NUP98: variants seen among roughly 807,000 people sequenced by gnomAD.
NUP98 encodes nuclear pore complex protein Nup98-Nup96.
In NUP98, 26 loss-of-function variants were observed where a neutral mutation model predicts 191.9. The ratio of observed to expected loss-of-function variants is 0.14; its 90% CI spans 0.10 to 0.19. The LOEUF is 0.19. NUP98 is among the 10% of genes least tolerant of loss of function. The pLI, the probability that NUP98 is intolerant of heterozygous loss-of-function variation, is 1.00. For synonymous variants in NUP98, 808 were observed against 778.4 expected (o/e 1.04, Z -0.63); for missense variants, 1,941 against 2,178.8 (o/e 0.89, Z 2.17).
At chr11:3,775,241 T>C (rs1017750876) in intron 5 of NUP98, among the ~76,000 whole-genome samples, 6 of 152,224 alleles carry the variant, frequency 3.9e-5, no homozygotes, top group Admixed American at 2.6e-4. Context: ...TAAAGATTAG[T>C]TGACCAGGCC....
At chr11:3,723,508 A>G in intron 15 of NUP98, 53 bp from the exon 16 acceptor site, 2 of 1,470,570 alleles carry the variant, frequency 1.4e-6, no homozygotes, top group Middle Eastern at 3.5e-4. Flanking sequence ...AATAACAATG[A>G]TAATAGCTAA....
At chr11:3,699,438 C>A in intron 24 of NUP98, 90 bp from the exon 25 acceptor site, 2 of 1,408,386 alleles carry the variant, frequency 1.4e-6, no homozygotes, top group Non-Finnish European at 2.0e-6. Flanking sequence ...GTTAAAAATA[C>A]ATAAATTAAT....
chr11:3,768,389 A>G (rs533414428), intron 8 of NUP98, among the ~76,000 whole-genome samples, 192 bp downstream of exon 8: 3 of 150,806 alleles, frequency 2.0e-5, no homozygotes, highest in African/African-American at 7.3e-5. Context: ...CCACTGCACT[A>G]CAGCCTGGGT....
At position 3,706,522 on chromosome 11, in the gene NUP98, T is replaced by C; in HGVS notation, c.2848A>G (p.Met950Val). The change falls in exon 21 of 33, where the codon ATG becomes GTG. Residue 950 changes from methionine to valine, a missense_variant. Around this residue, in one of 6 missense-constraint regions of NUP98, gnomAD observed 1,030 missense variants for 1,115.8 expected, o/e 0.92. Coordinates refer to ENST00000324932, the MANE Select transcript of NUP98 (RefSeq NM_016320.5). ...GACACAGGTTCCTGATCCTCAGGCA[T>C]GCTCTCTTCTAACATGGTATCCAAA... ...PVLDTMLEESMPEDQEPVSAS... is the reference protein window; with the variant it reads ...PVLDTMLEESVPEDQEPVSAS... The C allele has an allele frequency of 1.9e-6, 3 of 1,614,168 alleles. No homozygotes were observed. Among genetic ancestry groups the C allele is most frequent in the South Asian group, 2.2e-5 (2 of 91,080 alleles).
chr11:3,717,572 T>A (rs991562787), intron 18 of NUP98, among the ~76,000 whole-genome samples: 37 of 152,352 alleles, frequency 2.4e-4, no homozygotes, highest in Non-Finnish European at 4.9e-4. Context: ...ACTAGTAAGT[T>A]TTTTTGTGTG....
chr11:3,714,173 T>C (rs2079105102), intron 18 of NUP98, among the ~76,000 whole-genome samples, 178 bp from the exon 19 acceptor site: 1 of 152,228 alleles, frequency 6.6e-6, no homozygotes, highest in Non-Finnish European at 1.5e-5. Context: ...GAGTCACTCC[T>C]ACATTGACAA....
Position 3,779,148 on chromosome 11 carries a change from G to T in NUP98, c.178+8C>A. 6 of 1,613,112 alleles carry T rather than the reference G, an allele frequency of 3.7e-6. No homozygotes were observed. The highest frequency in any genetic ancestry group is 5.1e-6 in the Non-Finnish European group (6 of 1,179,124). ...ACAAACCAGTTATATCACAAATAAA[G>T]CCCCTACCTGGTTTAGTCTGTGAAT... On this transcript the variant is annotated splice_region_variant and intron_variant, in intron 3 of 32. Transcript: ENST00000324932.
intron 12 of NUP98, among the ~76,000 whole-genome samples, chr11:3,740,947 T>C (rs1023929646): frequency 3.3e-5 from 5 of 151,388 alleles, no homozygotes; most frequent in African/African-American, 1.2e-4. Flanking sequence ...GCCTCCAGAG[T>C]AGCTGGGATT....
intron 26 of NUP98, among the ~76,000 whole-genome samples, chr11:3,694,774 T>G (rs1178429858): frequency 6.6e-6 from 1 of 151,198 alleles, no homozygotes; most frequent in Non-Finnish European, 1.5e-5. Context: ...GCAGGGCTGA[T>G]GCAGTGGCTC....
At chr11:3,696,308 C>T (rs980122187) in intron 25 of NUP98, among the ~76,000 whole-genome samples, 1 of 152,268 alleles carries the variant, frequency 6.6e-6, no homozygotes, top group South Asian at 2.1e-4. Flanking sequence ...TCGAGACCAA[C>T]CTCGCCAACA....
In NUP98 at chr11:3,724,156, G is replaced by C. The variant is rs192765241; in HGVS notation, c.1848-701C>G. ...TTATAAAGAAAGAAATTTCGGCTGG[G>C]TGTGGTGGATAACGCTTGTAATCCC... On this transcript the variant is annotated intron_variant, in intron 15 of 32. Coordinates refer to ENST00000324932, the MANE Select transcript of NUP98 (RefSeq NM_016320.5). Among the ~76,000 whole-genome samples the C allele has an allele frequency of 7.9e-5, 12 of 152,134 alleles. No homozygotes were observed. The East Asian group carries it at 2.1e-3, about 27-fold the overall frequency.
chr11:3,763,549 T>C (rs187673869), intron 8 of NUP98, among the ~76,000 whole-genome samples: 1 of 152,290 alleles, frequency 6.6e-6, no homozygotes, highest in Admixed American at 6.5e-5. Flanking sequence ...ACGAGTGTTA[T>C]GTTAAAGAGC....
In NUP98 at chr11:3,744,623, A is replaced by T. The variant is rs1348779923; in HGVS notation, c.1294T>A (p.Phe432Ile). ...CCAATCTTAGGTTGGTTGTTCCCAA[A>T]CAAAGATGCCTGTCCAGCACCAAGA... The part of the protein sequence containing the change: ...TALGAGQASL[F>I]GNNQPKIGGP... The change falls in exon 12 of 33, where the codon TTT becomes ATT. Residue 432 changes from phenylalanine (F) to isoleucine (I), a missense_variant. Phe to Ile is a conservative substitution (Grantham distance 21, BLOSUM62 0). Transcript: ENST00000324932. The T allele has an allele frequency of 3.1e-6, 5 of 1,613,306 alleles. No homozygotes were observed. Among genetic ancestry groups the T allele is most frequent in the African/African-American group, 2.7e-5 (2 of 74,904 alleles).
At chr11:3,715,784 C>G (rs2079160992) in intron 18 of NUP98, among the ~76,000 whole-genome samples, 1 of 88,526 alleles carries the variant, frequency 1.1e-5, no homozygotes, top group South Asian at 3.9e-4. Flanking sequence ...TGCTTGACTA[C>G]TTAAAATTTT....
chr11:3,736,046 G>C (rs906322024), intron 12 of NUP98, among the ~76,000 whole-genome samples: 1 of 145,666 alleles, frequency 6.9e-6, no homozygotes, highest in Non-Finnish European at 1.5e-5. Flanking sequence ...GGACTACAGG[G>C]GTGAGTCACC....
At chr11:3,713,723 A>T in intron 19 of NUP98, 95 bp downstream of exon 19, 4 of 1,177,974 alleles carry the variant, frequency 3.4e-6, no homozygotes, top group Non-Finnish European at 4.8e-6. Context: ...CCATCAATCA[A>T]TCAATAGAAT....
intron 26 of NUP98, 29 bp downstream of exon 26, chr11:3,695,420 T>A (rs1425582564): frequency 6.7e-7 from 1 of 1,488,952 alleles, no homozygotes; most frequent in Admixed American, 2.3e-5. Flanking sequence ...AAAACCAATG[T>A]GAGATATTAT....
chr11:3,727,734 T>C (rs538751730), intron 14 of NUP98, among the ~76,000 whole-genome samples: 1 of 152,048 alleles, frequency 6.6e-6, no homozygotes, highest in Non-Finnish European at 1.5e-5. Flanking sequence ...GAAAATTTTT[T>C]AAATATCAGC....
At position 3,700,781 on chromosome 11, in the gene NUP98, G is replaced by T. The variant is rs777177199; in HGVS notation, c.3571C>A (p.Pro1191Thr). The T allele has an allele frequency of 6.2e-7, 1 of 1,614,084 alleles. No homozygotes were observed. Among genetic ancestry groups the T allele is most frequent in the South Asian group, 1.1e-5 (1 of 91,080 alleles). Reference protein sequence around the residue: ...LEKLSLRQRKPDEDMKLYQTP... With the variant: ...LEKLSLRQRKTDEDMKLYQTP... ...TGATATAATTTCATGTCTTCATCTGGCTTTCTTTGTCTCAAACTGAGTTTT... is the reference window on the plus strand; with the variant it reads ...TGATATAATTTCATGTCTTCATCTGTCTTTCTTTGTCTCAAACTGAGTTTT... Residue 1191 changes from proline (P) to threonine (T), a missense_variant, in exon 24 of 33, where the codon CCA (proline) becomes ACA (threonine). Physicochemically the swap from Pro to Thr is conservative, Grantham distance 38. Around this residue, in one of 6 missense-constraint regions of NUP98, gnomAD observed 1,030 missense variants for 1,115.8 expected, o/e 0.92. Coordinates refer to ENST00000324932, the MANE Select transcript of NUP98 (RefSeq NM_016320.5).
Sources: allele counts gnomAD v4.1 joint callset (sites outside exome capture counted in the v4.1 genomes callset), GRCh38; gene constraint gnomAD v4.1.1; regional missense constraint gnomAD v4.1.1; transcripts MANE v1.5; gene names NCBI Gene and HGNC (gene_info 2026-07-23, HGNC 2026-07-21).